DLGAP1: variants seen among roughly 807,000 people sequenced by gnomAD.
DLGAP1 encodes the protein disks large-associated protein 1.
DLGAP1 carries 11 observed loss-of-function variants against 90.8 expected under a neutral mutation model. The observed-to-expected ratio is 0.12, with a 90% CI of 0.08 to 0.20. The LOEUF (loss-of-function observed/expected upper bound fraction) is 0.20, where lower values mean the gene tolerates loss of function less well. DLGAP1 is among the 10% of genes least tolerant of loss of function. The pLI is 1.00. For synonymous variants in DLGAP1, 558 were observed against 540.7 expected (o/e 1.03, Z -0.44); for missense variants, 1,050 against 1,333.8 (o/e 0.79, Z 3.31).
chr18:4,301,983 G>A (rs1403028075), intron 1 of DLGAP1, among the ~76,000 whole-genome samples: 3 of 151,890 alleles, frequency 2.0e-5, no homozygotes, highest in Non-Finnish European at 4.4e-5. Context: ...TTTTAATCAG[G>A]TCATTTGTTT....
intron 5 of DLGAP1, among the ~76,000 whole-genome samples, chr18:3,768,489 C>T (rs2064361592): frequency 1.3e-5 from 2 of 152,008 alleles, no homozygotes; most frequent in Non-Finnish European, 2.9e-5. Flanking sequence ...ACAAGAATAG[C>T]TAAAACAATT....
intron 1 of DLGAP1, among the ~76,000 whole-genome samples, chr18:4,344,171 G>A (rs1338941361): frequency 6.6e-6 from 1 of 152,152 alleles, no homozygotes; most frequent in Non-Finnish European, 1.5e-5. Context: ...TTATAATGAT[G>A]ACAGTAGTGA....
intron 1 of DLGAP1, among the ~76,000 whole-genome samples, chr18:4,222,989 C>G (rs189297376): frequency 1.3e-5 from 2 of 152,128 alleles, no homozygotes; most frequent in East Asian, 3.9e-4. Flanking sequence ...TATGGTGGTA[C>G]AAATATGTAG....
At chr18:3,641,395 G>C (rs909957693) in intron 7 of DLGAP1, among the ~76,000 whole-genome samples, 1 of 150,930 alleles carries the variant, frequency 6.6e-6, no homozygotes, top group African/African-American at 2.4e-5. Context: ...AAATTAGCTG[G>C]GTGTGGTGGC....
chr18:4,204,254 G>T (rs1241881441), intron 1 of DLGAP1, among the ~76,000 whole-genome samples: 1 of 152,148 alleles, frequency 6.6e-6, no homozygotes, highest in African/African-American at 2.4e-5. Flanking sequence ...TTTAAAAAAT[G>T]GTACTAACAG....
intron 7 of DLGAP1, among the ~76,000 whole-genome samples, chr18:3,657,516 T>C (rs1373852853): frequency 6.6e-6 from 1 of 152,182 alleles, no homozygotes; most frequent in Non-Finnish European, 1.5e-5. Flanking sequence ...ATACGAAAGA[T>C]ATGTGGCACA....
chr18:4,183,101 T>C (rs1311602027), intron 1 of DLGAP1, among the ~76,000 whole-genome samples: 1 of 152,120 alleles, frequency 6.6e-6, no homozygotes, highest in Non-Finnish European at 1.5e-5. Flanking sequence ...AGAAAAAATA[T>C]GTGAACAAAA....
chr18:3,728,483 T>C (rs1468972311), intron 7 of DLGAP1, among the ~76,000 whole-genome samples: 1 of 152,076 alleles, frequency 6.6e-6, no homozygotes, highest in African/African-American at 2.4e-5. Flanking sequence ...GCCTAAAATC[T>C]ACTGACAAAA....
chr18:3,758,062 C>T (rs1391712544), intron 5 of DLGAP1, among the ~76,000 whole-genome samples: 2 of 149,926 alleles, frequency 1.3e-5, no homozygotes. Flanking sequence ...TTGCAGTGAG[C>T]CAAGATTGCA....
chr18:3,650,956 T>C (rs1481103975), intron 7 of DLGAP1, among the ~76,000 whole-genome samples: 3 of 150,998 alleles, frequency 2.0e-5, no homozygotes. Context: ...ATCCCAGCTA[T>C]TCGGGAGGCT....
chr18:4,368,910 T>C (rs555128367), intron 1 of DLGAP1, among the ~76,000 whole-genome samples: 43 of 152,252 alleles, frequency 2.8e-4, no homozygotes, highest in African/African-American at 9.9e-4. Context: ...GAGCAAGCAA[T>C]ATTTCTCCCA....
intron 9 of DLGAP1, among the ~76,000 whole-genome samples, chr18:3,559,027 C>G (rs1244364569): frequency 6.6e-6 from 1 of 152,170 alleles, no homozygotes; most frequent in Non-Finnish European, 1.5e-5. Flanking sequence ...TTATAGCATT[C>G]TGGTCTTAGC....
At chr18:4,132,694 C>A (rs1482619762) in intron 2 of DLGAP1, among the ~76,000 whole-genome samples, 1 of 152,010 alleles carries the variant, frequency 6.6e-6, no homozygotes, top group South Asian at 2.1e-4. Flanking sequence ...CAAAAGAGTT[C>A]CCACTTAAAA....
At position 3,822,055 on chromosome 18, in the gene DLGAP1, A is replaced by C. The variant is rs983687047; in HGVS notation, c.958-7782T>G. 3 of 899,988 alleles carry C rather than the reference A, an allele frequency of 3.3e-6. No homozygotes were observed. The African/African-American group carries it at 5.4e-5, about 16-fold the overall frequency. 55.8% of individuals were successfully genotyped at this position (899,988 alleles called of 1,614,324 possible). A position where few individuals can be genotyped will look rare whatever the true frequency, so the allele number is the denominator to read the frequency against. On this transcript the variant is annotated intron_variant, in intron 4 of 12. Coordinates refer to ENST00000315677, the MANE Select transcript of DLGAP1 (RefSeq NM_004746.4). ...AAAAAAAAAAAGAGCAAGAATAGGA[A>C]AATTACAATTATGCAATGTGCAGAT... is the stretch of plus-strand genomic sequence containing the variant.
At chr18:4,414,928 T>C (rs184550184) in intron 1 of DLGAP1, among the ~76,000 whole-genome samples, 2 of 152,186 alleles carry the variant, frequency 1.3e-5, no homozygotes, top group African/African-American at 4.8e-5. Flanking sequence ...CTTCAGTCCT[T>C]AATTTCTGAA....
chr18:3,501,000 A>G (rs2049900323), intron 12 of DLGAP1, among the ~76,000 whole-genome samples: 1 of 152,046 alleles, frequency 6.6e-6, no homozygotes, highest in Admixed American at 6.5e-5. Context: ...TGCAGACTCA[A>G]ACTCTCCGAG....
chr18:3,933,306 C>G lies in DLGAP1; in HGVS notation c.-72-53166G>C, dbSNP rs375335359. ...GGAAAATGGATGTGAATAAAATGAT[C>G]AGCAAATACATGCAGTGGGCTGAGA... On this transcript the variant is annotated intron_variant, in intron 3 of 12. Coordinates refer to ENST00000315677, the MANE Select transcript of DLGAP1 (RefSeq NM_004746.4). Among the ~76,000 whole-genome samples, 24 of 152,288 alleles carry G rather than the reference C, an allele frequency of 1.6e-4. No homozygotes were observed. The East Asian group carries it at 2.1e-3, about 13-fold the overall frequency.
chr18:3,636,205 C>G (rs1320742567), intron 7 of DLGAP1, among the ~76,000 whole-genome samples: 1 of 151,208 alleles, frequency 6.6e-6, no homozygotes, highest in Non-Finnish European at 1.5e-5. Flanking sequence ...TGTGCTGTCA[C>G]CTCTCCTGTG....
At chr18:3,548,694 T>C (rs695162) in intron 9 of DLGAP1, among the ~76,000 whole-genome samples, 144,924 of 152,260 alleles carry the variant, frequency 0.95, 69,388 homozygotes, top group East Asian at 1. Context: ...CATATTTTCA[T>C]CTAAGATCAG....
Sources: allele counts gnomAD v4.1 joint callset (sites outside exome capture counted in the v4.1 genomes callset), GRCh38; gene constraint gnomAD v4.1.1; transcripts MANE v1.5; gene names NCBI Gene and HGNC (gene_info 2026-07-23, HGNC 2026-07-21).